The following GULP1 variants were observed in gnomAD, a reference collection of about 807,000 sequenced individuals.
The protein encoded by GULP1 is GULP PTB domain containing engulfment adaptor 1.
A neutral mutation model predicts 40.9 loss-of-function variants in GULP1; 19 were observed. The ratio of observed to expected loss-of-function variants is 0.46; its 90% CI spans 0.32 to 0.68. GULP1 has a LOEUF of 0.68. GULP1 is among the 30% of genes least tolerant of loss of function. The pLI is 0.03. For synonymous variants in GULP1, 119 were observed against 117.6 expected (o/e 1.01, Z -0.08); for missense variants, 312 against 362.2 (o/e 0.86, Z 1.12).
intron 2 of GULP1, among the ~76,000 whole-genome samples, chr2:188,464,926 G>C (rs1575429156): frequency 6.6e-6 from 1 of 152,200 alleles, no homozygotes; most frequent in East Asian, 1.9e-4. Flanking sequence ...CTCTTCCCCA[G>C]AGAAGGTCCA....
At chr2:188,419,926 C>G (rs1221692690) in intron 2 of GULP1, among the ~76,000 whole-genome samples, 1 of 152,034 alleles carries the variant, frequency 6.6e-6, no homozygotes, top group Non-Finnish European at 1.5e-5. Context: ...TGTGGCTATC[C>G]AGTTTTCTCA....
chr2:188,469,048 G>A (rs80031806), intron 2 of GULP1, among the ~76,000 whole-genome samples: 7,023 of 152,242 alleles, frequency 0.046, 363 homozygotes, highest in African/African-American at 0.13. Flanking sequence ...GTTATTAGGA[G>A]AGGATGTAAA....
intron 1 of GULP1, among the ~76,000 whole-genome samples, chr2:188,313,509 T>C (rs2038537691): frequency 6.6e-6 from 1 of 152,178 alleles, no homozygotes; most frequent in Admixed American, 6.5e-5. Context: ...CTGTTTTGGT[T>C]ACTGTAGCCT....
At chr2:188,593,309 G>A (rs1703944001) in intron 11 of GULP1, 1 of 151,964 alleles carries the variant, frequency 6.6e-6, no homozygotes, top group African/African-American at 2.4e-5. Flanking sequence ...TAGCAATTGT[G>A]TTCTTATACT....
intron 11 of GULP1, chr2:188,593,153 G>T (rs995280650): frequency 1.3e-5 from 2 of 152,050 alleles, no homozygotes; most frequent in African/African-American, 4.8e-5. Flanking sequence ...TTACAGGAAA[G>T]GGTAGGAATG....
In GULP1 at chr2:188,593,980, T is replaced by A. The variant is rs549477962; in HGVS notation, c.884T>A (p.Phe295Tyr). Residue 295 changes from phenylalanine to tyrosine, a missense_variant, in exon 12 of 12, where the codon TTT (phenylalanine) becomes TAT (tyrosine). Transcript: ENST00000409830. ...KMGLTLEGTVFCLDPLDSRC is the reference protein window; with the variant it reads ...KMGLTLEGTVYCLDPLDSRC ...GGACTAACTCTTGAAGGCACAGTAT[T>A]TTGTCTCGACCCGTTAGACAGTAGG... The A allele has an allele frequency of 1.9e-6, 3 of 1,602,194 alleles. No individual in the cohort carries two copies. In the South Asian group the frequency reaches 3.3e-5, roughly 18 times the overall value.
chr2:188,366,158 G>C (rs1244610653), intron 1 of GULP1, among the ~76,000 whole-genome samples: 1 of 152,110 alleles, frequency 6.6e-6, no homozygotes, highest in East Asian at 1.9e-4. Flanking sequence ...TGGGGCAAAA[G>C]AAGGGCCTGT....
At chr2:188,473,155 T>TTCTCTCTCTCTCTCTC (rs147222438) in intron 2 of GULP1, among the ~76,000 whole-genome samples, 1 of 120,916 alleles carries the variant, frequency 8.3e-6, no homozygotes, top group African/African-American at 5.1e-5. Context: ...GGGTCTCTCT[T>TTCTCTCTCTCTCTCTC]TCTCTCTCTC....
intron 1 of GULP1, among the ~76,000 whole-genome samples, chr2:188,346,976 A>G (rs2043766247): frequency 6.6e-6 from 1 of 151,994 alleles, no homozygotes; most frequent in Admixed American, 6.6e-5. Context: ...TCTCAAAAAA[A>G]AAAAAAAATT....
At chr2:188,457,062 A>G (rs1341306821) in intron 2 of GULP1, among the ~76,000 whole-genome samples, 2 of 152,098 alleles carry the variant, frequency 1.3e-5, no homozygotes, top group Non-Finnish European at 2.9e-5. Flanking sequence ...CTGTACCTTC[A>G]TTGTATCTAG....
At chr2:188,328,417 T>C (rs1453396558) in intron 1 of GULP1, among the ~76,000 whole-genome samples, 1 of 152,092 alleles carries the variant, frequency 6.6e-6, no homozygotes, top group Non-Finnish European at 1.5e-5. Flanking sequence ...CTTCTAGCGT[T>C]TTTCTACTTC....
chr2:188,514,352 G>T (rs1387865351), intron 4 of GULP1, among the ~76,000 whole-genome samples: 1 of 152,062 alleles, frequency 6.6e-6, no homozygotes, highest in Non-Finnish European at 1.5e-5. Flanking sequence ...GTTTATATCG[G>T]TTAGCCTATG....
At chr2:188,319,135 T>C (rs1409279190) in intron 1 of GULP1, among the ~76,000 whole-genome samples, 1 of 152,224 alleles carries the variant, frequency 6.6e-6, no homozygotes, top group African/African-American at 2.4e-5. Context: ...TTCTATATTA[T>C]ACAAAGCAAG....
At chr2:188,424,230 T>C (rs2055844744) in intron 2 of GULP1, among the ~76,000 whole-genome samples, 1 of 151,932 alleles carries the variant, frequency 6.6e-6, no homozygotes, top group South Asian at 2.1e-4. Context: ...TTTTAAATTT[T>C]TATGTGTGTC....
intron 2 of GULP1, among the ~76,000 whole-genome samples, chr2:188,456,428 G>T (rs66732509): frequency 2.0e-5 from 3 of 151,962 alleles, no homozygotes; most frequent in Non-Finnish European, 2.9e-5. Flanking sequence ...TGAAATGGAC[G>T]AATGTAGAGC....
chr2:188,448,860 C>T (rs571135808), intron 2 of GULP1, among the ~76,000 whole-genome samples: 2 of 151,996 alleles, frequency 1.3e-5, no homozygotes, highest in Non-Finnish European at 2.9e-5. Flanking sequence ...TGGCAACACC[C>T]CTCCCCTTTT....
chr2:188,495,295 A>C (rs1338672486), intron 4 of GULP1, among the ~76,000 whole-genome samples: 1 of 152,016 alleles, frequency 6.6e-6, no homozygotes, highest in African/African-American at 2.4e-5. Flanking sequence ...ATACCTACAT[A>C]TATGCCCTCT....
intron 2 of GULP1, among the ~76,000 whole-genome samples, chr2:188,442,248 G>A (rs1230454640): frequency 2.0e-5 from 3 of 152,062 alleles, no homozygotes; most frequent in Admixed American, 6.5e-5. Flanking sequence ...TTTTCTGCCC[G>A]TAAGGTAATG....
At chr2:188,548,088 C>T (rs1397756883) in intron 7 of GULP1, among the ~76,000 whole-genome samples, 4 of 152,162 alleles carry the variant, frequency 2.6e-5, no homozygotes, top group African/African-American at 9.6e-5. Context: ...TTTTCACTCT[C>T]TTGGCTCATA....
Sources: gnomAD v4.1 joint callset for allele counts (sites outside exome capture counted in the v4.1 genomes callset) on GRCh38, gnomAD v4.1.1 for gene constraint, MANE v1.5 for transcripts, NCBI Gene and HGNC (gene_info 2026-07-23, HGNC 2026-07-21) for gene names.